Variants in GRIA1 observed in about 807,000 individuals in gnomAD.
GRIA1 encodes the protein glutamate receptor 1.
A neutral mutation model predicts 99.2 loss-of-function variants in GRIA1; 31 were observed. The observed-to-expected ratio is 0.31, with a 90% CI of 0.23 to 0.42. GRIA1 has a LOEUF of 0.42. Ranked by LOEUF, GRIA1 falls within the 10% of genes least tolerant of loss-of-function variation. The probability of loss-of-function intolerance (pLI) is 1.00; values close to 1 mark genes in which losing one functional copy is unlikely to be tolerated. For synonymous variants in GRIA1, 438 were observed against 432.4 expected (o/e 1.01, Z -0.16); for missense variants, 782 against 1,157.5 (o/e 0.68, Z 4.71).
chr5:153,793,509 T>C lies in GRIA1; in HGVS notation c.2271-1112T>C, dbSNP rs190030735. 7.2e-5 allele frequency among the ~76,000 whole-genome samples: 11 copies of C among 152,296 alleles called. No individual in the cohort carries two copies. The East Asian group carries it at 2.1e-3, about 29-fold the overall frequency. On this transcript the variant is annotated intron_variant, in intron 13 of 15. Transcript: ENST00000285900. ...ATGAGGCATGTTATGTCCTGAAAGA[T>C]GGTCAACTCCTTGTCTAAAGAACTA...
chr5:153,649,641 T>A (rs929807158), intron 3 of GRIA1, among the ~76,000 whole-genome samples: 9 of 152,066 alleles, frequency 5.9e-5, no homozygotes, highest in Admixed American at 4.6e-4. Context: ...TAATTTTTTT[T>A]AGTAGAGATG....
intron 2 of GRIA1, among the ~76,000 whole-genome samples, chr5:153,625,000 A>G (rs1405014736): frequency 6.6e-6 from 1 of 152,210 alleles, no homozygotes; most frequent in Non-Finnish European, 1.5e-5. Flanking sequence ...CATTCACGGC[A>G]GCAGAGACAT....
intron 11 of GRIA1, among the ~76,000 whole-genome samples, chr5:153,729,508 A>G (rs898664769): frequency 1.3e-5 from 2 of 152,068 alleles, no homozygotes; most frequent in African/African-American, 4.8e-5. Context: ...GTGTTGGGGC[A>G]GTTAGATTGG....
At chr5:153,729,155 A>G (rs1443041538) in intron 11 of GRIA1, among the ~76,000 whole-genome samples, 1 of 150,136 alleles carries the variant, frequency 6.7e-6, no homozygotes, top group Non-Finnish European at 1.5e-5. Flanking sequence ...AACACCGCAT[A>G]TTCTCACTCA....
chr5:153,805,421 C>T (rs1766361126), intron 15 of GRIA1, among the ~76,000 whole-genome samples: 1 of 152,132 alleles, frequency 6.6e-6, no homozygotes, highest in Non-Finnish European at 1.5e-5. Flanking sequence ...CAGGATGAGG[C>T]AGGGCATGGG....
At chr5:153,492,364 G>T in intron 1 of GRIA1, 1 of 1,451,982 alleles carries the variant, frequency 6.9e-7, no homozygotes, top group Non-Finnish European at 9.1e-7. Flanking sequence ...CTTCAGGGGA[G>T]ACACTTCCCT....
chr5:153,804,682 C>A (rs62383441), intron 15 of GRIA1, among the ~76,000 whole-genome samples: 7,010 of 152,100 alleles, frequency 0.046, 210 homozygotes, highest in Middle Eastern at 0.12. Context: ...TTAACTATGT[C>A]ATCTTAGGTT....
chr5:153,552,081 C>A (rs1272685336), intron 2 of GRIA1, among the ~76,000 whole-genome samples: 1 of 151,810 alleles, frequency 6.6e-6, no homozygotes, highest in African/African-American at 2.4e-5. Context: ...GGCCTGTTTT[C>A]TCTGCACCAG....
intron 2 of GRIA1, among the ~76,000 whole-genome samples, chr5:153,578,164 AAAAAAAAAAGAAAG>A (rs1762732583): frequency 1.4e-5 from 2 of 143,572 alleles, no homozygotes; most frequent in Non-Finnish European, 3.0e-5. Context: ...AAAAAAAAAA[AAAAAAAAAAGAAAG>A]AAAGAAGAAA....
intron 11 of GRIA1, among the ~76,000 whole-genome samples, chr5:153,711,492 CAG>C (rs1759313575): frequency 1.3e-5 from 2 of 152,134 alleles, no homozygotes; most frequent in African/African-American, 4.8e-5. Context: ...ATTTGGAAAA[CAG>C]GGAACCACAG....
At chr5:153,694,102 T>A (rs1424460627) in intron 8 of GRIA1, among the ~76,000 whole-genome samples, 1 of 152,262 alleles carries the variant, frequency 6.6e-6, no homozygotes, top group Non-Finnish European at 1.5e-5. Context: ...GATATGAAAG[T>A]ACCTAGCATA....
chr5:153,609,555 CTTTTT>C (rs3036982), intron 2 of GRIA1, among the ~76,000 whole-genome samples: 24 of 84,360 alleles, frequency 2.8e-4, no homozygotes, highest in African/African-American at 6.2e-4. Flanking sequence ...AGACTCTTTT[CTTTTT>C]TTTTTTTTTT....
intron 12 of GRIA1, among the ~76,000 whole-genome samples, chr5:153,767,034 G>C (rs996418793): frequency 6.6e-6 from 1 of 152,100 alleles, no homozygotes; most frequent in East Asian, 1.9e-4. Flanking sequence ...GGTCACATCT[G>C]GGCTTGATGT....
intron 2 of GRIA1, among the ~76,000 whole-genome samples, chr5:153,634,368 C>G (rs1424118968): frequency 6.6e-6 from 1 of 151,702 alleles, no homozygotes; most frequent in Non-Finnish European, 1.5e-5. Context: ...TAGAGAAGGC[C>G]TCTATGAAGA....
At chr5:153,536,958 G>A (rs1758634915) in intron 2 of GRIA1, among the ~76,000 whole-genome samples, 1 of 152,168 alleles carries the variant, frequency 6.6e-6, no homozygotes, top group African/African-American at 2.4e-5. Flanking sequence ...CAGACCTTGG[G>A]TGAGTTAGTT....
Position 153,692,035 on chromosome 5 carries a change from C to A in GRIA1, c.1134+5706C>A, listed in dbSNP as rs373790385. 1.6e-4 allele frequency among the ~76,000 whole-genome samples: 24 copies of A among 152,314 alleles called. No homozygotes were observed. The East Asian group carries it at 2.5e-3, about 16-fold the overall frequency. ...TCTCTAGCTCATTTCTCTGCAGTTACACTGGCATCTTTGCATTCCTTGAGC... is the reference window on the plus strand; with the variant it reads ...TCTCTAGCTCATTTCTCTGCAGTTAAACTGGCATCTTTGCATTCCTTGAGC... On this transcript the variant is annotated intron_variant, in intron 8 of 15. Coordinates refer to ENST00000285900, the MANE Select transcript of GRIA1 (RefSeq NM_000827.4).
intron 2 of GRIA1, among the ~76,000 whole-genome samples, chr5:153,549,952 TCTATCGCTTA>T (rs1431070191): frequency 2.6e-5 from 4 of 152,180 alleles, no homozygotes; most frequent in African/African-American, 9.7e-5. Flanking sequence ...GAATTCCAGT[TCTATCGCTTA>T]CTATCGGTAT....
chr5:153,598,569 A>G (rs1764618076), intron 2 of GRIA1, among the ~76,000 whole-genome samples: 1 of 152,172 alleles, frequency 6.6e-6, no homozygotes, highest in Non-Finnish European at 1.5e-5. Flanking sequence ...CTCAGATCCT[A>G]AGGTGGTCTC....
chr5:153,694,526 C>T (rs752293564), intron 8 of GRIA1, among the ~76,000 whole-genome samples: 1 of 152,174 alleles, frequency 6.6e-6, no homozygotes, highest in Non-Finnish European at 1.5e-5. Context: ...ACAATATGAA[C>T]CATACACTGT....
Sources: allele counts gnomAD v4.1 joint callset (sites outside exome capture counted in the v4.1 genomes callset), GRCh38; gene constraint gnomAD v4.1.1; transcripts MANE v1.5; gene names NCBI Gene and HGNC (gene_info 2026-07-23, HGNC 2026-07-21).